NMNAT3: variants seen among roughly 807,000 people sequenced by gnomAD.
NMNAT3 encodes the protein nicotinamide/nicotinic acid mononucleotide adenylyltransferase 3.
Under a neutral mutation model 24.8 loss-of-function variants are expected in NMNAT3, and 21 were observed. The observed-to-expected ratio is 0.85, with a 90% CI of 0.60 to 1.22. The LOEUF (loss-of-function observed/expected upper bound fraction) is 1.22. Among genes scored for constraint, NMNAT3 ranks in the 50% most tolerant of loss-of-function variants. The pLI is 0.00. For synonymous variants in NMNAT3, 136 were observed against 155.2 expected, an observed-to-expected ratio of 0.88 and a Z score of 0.92; for missense variants, 387 against 436.6, an observed-to-expected ratio of 0.89 and a Z score of 1.01.
chr3:139,575,797 C>A (rs1939209852), intron 5 of NMNAT3: 1 of 1,187,648 alleles, frequency 8.4e-7, no homozygotes, highest in South Asian at 1.6e-5. Flanking sequence ...GTGTCCTCAG[C>A]AGTCCCACTG....
At chr3:139,648,114 A>C (rs1022127203) in intron 1 of NMNAT3, among the ~76,000 whole-genome samples, 5 of 152,094 alleles carry the variant, frequency 3.3e-5, no homozygotes, top group Admixed American at 6.6e-5. Flanking sequence ...ATCTGGTGGG[A>C]GGTGAGTGGA....
chr3:139,598,296 T>C (rs2108207606), intron 3 of NMNAT3, among the ~76,000 whole-genome samples: 2 of 152,280 alleles, frequency 1.3e-5, no homozygotes, highest in East Asian at 3.9e-4. Flanking sequence ...CCTAGGGGGC[T>C]GGGGTAGGTA....
At chr3:139,603,682 A>G (rs2054814295) in intron 3 of NMNAT3, among the ~76,000 whole-genome samples, 1 of 152,058 alleles carries the variant, frequency 6.6e-6, no homozygotes, top group African/African-American at 2.4e-5. Context: ...GCTGCCACTA[A>G]TATGCCTCAT....
intron 3 of NMNAT3, among the ~76,000 whole-genome samples, chr3:139,607,026 T>A (rs2054978191): frequency 6.6e-6 from 1 of 152,148 alleles, no homozygotes; most frequent in Admixed American, 6.5e-5. Context: ...CAAGGAGCCC[T>A]GGTTTCTTTT....
chr3:139,575,875 C>T (rs1939223348), intron 5 of NMNAT3: 2 of 1,261,488 alleles, frequency 1.6e-6, no homozygotes, highest in Admixed American at 5.1e-5. Context: ...TCCCAGCCTG[C>T]AGATCCCTGT....
chr3:139,568,712 T>A (rs941705340), intron 6 of NMNAT3: 3 of 152,232 alleles, frequency 2.0e-5, no homozygotes, highest in Admixed American at 2.0e-4. Flanking sequence ...AGGGACAGTT[T>A]GTTATAATTT....
At chr3:139,591,787 A>G (rs1408964055) in intron 3 of NMNAT3, among the ~76,000 whole-genome samples, 3 of 152,282 alleles carry the variant, frequency 2.0e-5, no homozygotes, top group Non-Finnish European at 2.9e-5. Flanking sequence ...ACTAACAAAC[A>G]GAAAGGACAT....
At chr3:139,656,655 A>G (rs572485270) in intron 1 of NMNAT3, among the ~76,000 whole-genome samples, 32 of 152,238 alleles carry the variant, frequency 2.1e-4, no homozygotes, top group African/African-American at 7.2e-4. Flanking sequence ...AGCTGGATGT[A>G]GTGGTGCATG....
intron 5 of NMNAT3, chr3:139,575,811 T>G: frequency 8.3e-7 from 1 of 1,198,082 alleles, no homozygotes; most frequent in Non-Finnish European, 1.1e-6. Flanking sequence ...CCCACTGGTC[T>G]TCAGGAAAGA....
At chr3:139,585,597 C>T (rs1465098640) in intron 3 of NMNAT3, among the ~76,000 whole-genome samples, 2 of 152,168 alleles carry the variant, frequency 1.3e-5, no homozygotes, top group Non-Finnish European at 2.9e-5. Flanking sequence ...GATAGATATT[C>T]CAGAGACACT....
At chr3:139,578,812 A>G in intron 5 of NMNAT3, 60 bp downstream of exon 5, 1 of 1,458,278 alleles carries the variant, frequency 6.9e-7, no homozygotes, top group Non-Finnish European at 9.3e-7. Flanking sequence ...TTTACCCTGT[A>G]AGCTCTGCAG....
intron 3 of NMNAT3, among the ~76,000 whole-genome samples, chr3:139,623,469 CTAAAA>C (rs1388489983): frequency 2.6e-5 from 4 of 152,054 alleles, no homozygotes; most frequent in African/African-American, 9.6e-5. Context: ...GAAATAGACT[CTAAAA>C]TAAGGATAAA....
At chr3:139,652,940 G>A (rs573631156) in intron 1 of NMNAT3, among the ~76,000 whole-genome samples, 2 of 152,286 alleles carry the variant, frequency 1.3e-5, no homozygotes, top group South Asian at 4.1e-4. Context: ...ACCAGTGAGA[G>A]GCACATTCAC....
At chr3:139,623,410 A>G (rs1414668695) in intron 3 of NMNAT3, among the ~76,000 whole-genome samples, 2 of 152,186 alleles carry the variant, frequency 1.3e-5, no homozygotes, top group Admixed American at 1.3e-4. Context: ...TTTCTGAAGG[A>G]GCTGCCTGAG....
intron 1 of NMNAT3, among the ~76,000 whole-genome samples, chr3:139,672,332 C>T (rs374939076): frequency 6.6e-6 from 1 of 152,180 alleles, no homozygotes; most frequent in South Asian, 2.1e-4. Context: ...AAGATTGGCT[C>T]TAATTTAAAA....
rs1465973983 is a variant in NMNAT3, at chr3:139,560,335, C to A, written c.*675G>T. On this transcript the variant is annotated 3_prime_UTR_variant, in exon 7 of 7. Transcript: ENST00000643695. ...TTTAGAAACCTGGAAATCAGGAGCCCCGGCTTTTATGCTATAGCAAGTTTG... is the reference window on the plus strand; with the variant it reads ...TTTAGAAACCTGGAAATCAGGAGCCACGGCTTTTATGCTATAGCAAGTTTG... 6.6e-6 allele frequency: 1 copy of A among 152,588 alleles called. No homozygotes were observed. Among genetic ancestry groups the A allele is most frequent in the Non-Finnish European group, 1.5e-5 (1 of 68,026 alleles). The allele number at this position is 152,588 out of a possible 1,614,324, so 9.5% of individuals were successfully genotyped here. A position where few individuals can be genotyped will look rare whatever the true frequency, so the allele number is the denominator to read the frequency against.
chr3:139,623,948 C>T (rs2055923283), intron 3 of NMNAT3, among the ~76,000 whole-genome samples: 1 of 152,186 alleles, frequency 6.6e-6, no homozygotes, highest in Non-Finnish European at 1.5e-5. Flanking sequence ...TCACCACAAA[C>T]ACAAGTAATG....
intron 1 of NMNAT3, among the ~76,000 whole-genome samples, chr3:139,676,180 G>C (rs1559984469): frequency 1.3e-5 from 2 of 152,264 alleles, no homozygotes; most frequent in East Asian, 3.9e-4. Flanking sequence ...CCTCATCTGG[G>C]TTCCCCTACT....
At chr3:139,645,110 G>A (rs776162202) in intron 1 of NMNAT3, among the ~76,000 whole-genome samples, 2 of 152,178 alleles carry the variant, frequency 1.3e-5, no homozygotes, top group Non-Finnish European at 2.9e-5. Context: ...GCTGAGGCAG[G>A]AGAATCGCTT....
Sources: allele counts gnomAD v4.1 joint callset (sites outside exome capture counted in the v4.1 genomes callset), GRCh38; gene constraint gnomAD v4.1.1; transcripts MANE v1.5; gene names NCBI Gene and HGNC (gene_info 2026-07-23, HGNC 2026-07-21).